SVOPL: variants seen among roughly 807,000 people sequenced by gnomAD.
The protein encoded by SVOPL is putative transporter SVOPL.
In SVOPL, 60 loss-of-function variants were observed where a neutral mutation model predicts 61.0. The observed-to-expected ratio is 0.98, with a 90% CI of 0.80 to 1.22. The LOEUF is 1.22. Ranked by LOEUF, SVOPL falls within the 50% of genes most tolerant of loss-of-function variation. The probability of loss-of-function intolerance (pLI) is 0.00; values close to 1 mark genes in which losing one functional copy is unlikely to be tolerated. For missense variants in SVOPL, 662 were observed against 643.9 expected (o/e 1.03, Z -0.30); for synonymous variants, 279 against 250.0 (o/e 1.12, Z -1.09).
chr7:138,622,589 G>A (rs1193165204), intron 13 of SVOPL, among the ~76,000 whole-genome samples: 3 of 152,308 alleles, frequency 2.0e-5, no homozygotes, highest in South Asian at 4.1e-4. Context: ...TTACAGGCGT[G>A]AGCCACCATG....
intron 14 of SVOPL, among the ~76,000 whole-genome samples, chr7:138,614,554 C>T (rs896015140): frequency 1.3e-5 from 2 of 152,044 alleles, no homozygotes; most frequent in African/African-American, 4.8e-5. Context: ...TGCCACCATA[C>T]CTGGCTAATT....
intron 7 of SVOPL, among the ~76,000 whole-genome samples, chr7:138,655,581 A>G (rs945065545): frequency 2.0e-5 from 3 of 151,468 alleles, no homozygotes; most frequent in Non-Finnish European, 4.4e-5. Flanking sequence ...GCACACACAC[A>G]CACACCCCTA....
rs1348172091 is a variant in SVOPL at position 138,596,438 on chromosome 7, T to G, written c.1446A>C (p.Glu482Asp). 1.2e-6 allele frequency: 2 copies of G among 1,613,796 alleles called. No homozygotes were observed. Among genetic ancestry groups the G allele is most frequent in the Non-Finnish European group, 1.7e-6 (2 of 1,179,872 alleles). The change falls in exon 15 of 16, where the codon GAA becomes GAC. Residue 482 changes from glutamate (E) to aspartate (D), a missense_variant. Glu to Asp is a conservative substitution (Grantham distance 45). Transcript: ENST00000674285. ...TCACCTGGAGGGCCCGTCCTTTGGT[T>G]TCGATGGGGAGAGTGAATGCAGAAA... ...CAISAFTLPI[E>D]TKGRALQQIK
intron 12 of SVOPL, 49 bp downstream of exon 12, chr7:138,627,301 C>T (rs925353093): frequency 7.1e-7 from 1 of 1,417,212 alleles, no homozygotes; most frequent in Non-Finnish European, 9.9e-7. Context: ...TCAGGAGACT[C>T]CATTTAGAAA....
chr7:138,612,243 G>C (rs1334228433), intron 14 of SVOPL, among the ~76,000 whole-genome samples: 1 of 36,652 alleles, frequency 2.7e-5, no homozygotes, highest in Non-Finnish European at 6.1e-5. Flanking sequence ...CAAGTAATCA[G>C]GGACACAAAC....
intron 13 of SVOPL, among the ~76,000 whole-genome samples, chr7:138,622,154 C>G (rs1295788840): frequency 0.017 from 871 of 50,036 alleles, 95 homozygotes; most frequent in Non-Finnish European, 0.02. Context: ...ATCTATGTAT[C>G]TATCTGTCTA....
intron 9 of SVOPL, among the ~76,000 whole-genome samples, chr7:138,631,507 C>T (rs1219533173): frequency 7.2e-5 from 11 of 152,242 alleles, no homozygotes; most frequent in Admixed American, 4.6e-4. Flanking sequence ...CCAAGACCCA[C>T]GGCACATTCC....
intron 14 of SVOPL, among the ~76,000 whole-genome samples, chr7:138,599,686 A>G (rs1563078541): frequency 6.6e-6 from 1 of 152,116 alleles, no homozygotes; most frequent in Admixed American, 6.6e-5. Flanking sequence ...TCAGGAGTTC[A>G]AGACCAGCCT....
At chr7:138,658,056 C>T (rs199863349) in intron 6 of SVOPL, among the ~76,000 whole-genome samples, 43 of 152,270 alleles carry the variant, frequency 2.8e-4, no homozygotes, top group African/African-American at 9.4e-4. Context: ...TCGCTTTGGT[C>T]GCCATCTTGG....
intron 3 of SVOPL, among the ~76,000 whole-genome samples, chr7:138,676,904 T>A (rs991189244): frequency 0.012 from 1,574 of 130,844 alleles, 37 homozygotes; most frequent in African/African-American, 0.045. Flanking sequence ...GGTTCCTTTT[T>A]TTTTTTTTTT....
chr7:138,621,001 C>G, intron 14 of SVOPL, 45 bp downstream of exon 14: 2 of 1,578,220 alleles, frequency 1.3e-6, no homozygotes, highest in Non-Finnish European at 8.7e-7. Flanking sequence ...TCCTCTTACC[C>G]CCTCTCTCAG....
At chr7:138,653,932 C>CAAAA (rs34826230) in intron 7 of SVOPL, among the ~76,000 whole-genome samples, 1 of 132,640 alleles carries the variant, frequency 7.5e-6, no homozygotes, top group Non-Finnish European at 1.6e-5. Flanking sequence ...GACTCTGTCT[C>CAAAA]AAAAAAAAAA....
intron 8 of SVOPL, 39 bp downstream of exon 8, chr7:138,648,973 G>A (rs183474660): frequency 1.2e-6 from 2 of 1,612,438 alleles, no homozygotes; most frequent in South Asian, 2.2e-5. Flanking sequence ...TGGACCAGCA[G>A]GAGGAGGGGA....
At chr7:138,700,572 C>T (rs941397955) in intron 1 of SVOPL, among the ~76,000 whole-genome samples, 1 of 151,904 alleles carries the variant, frequency 6.6e-6, no homozygotes, top group African/African-American at 2.4e-5. Flanking sequence ...AACTCCTGAC[C>T]TTGTGATCCA....
In SVOPL at chr7:138,649,017, A is replaced by G; in HGVS notation, c.655T>C (p.Phe219Leu). Residue 219 changes from phenylalanine to leucine, a missense_variant, in exon 8 of 16, where the codon TTC becomes CTC. By Grantham distance (22) the Phe-to-Leu change is conservative (BLOSUM62 0). Transcript: ENST00000674285. Reference protein sequence around the residue: ...SIPGIILIVAFKFIPESARFN... With the variant: ...SIPGIILIVALKFIPESARFN... ...AGCCACAAGTGCTTCCCCACCTTGA[A>G]GGCCACGATGAGGATGATGCCCGGG... The G allele has an allele frequency of 6.2e-7, 1 of 1,613,842 alleles. No individual in the cohort carries two copies. Among genetic ancestry groups the G allele is most frequent in the African/African-American group, 1.3e-5 (1 of 74,994 alleles).
rs1363103222 is a variant in SVOPL, at chr7:138,627,366, TGAG to T, written c.1162_1164del (p.Leu388del). On this transcript the variant is annotated inframe_deletion, in exon 12 of 16. Transcript: ENST00000674285. ...AGAAAATACCTTGAAGTGCAAATGT[TGAG>T]GAGAAGGAAGAATAAAGCCGTGCAT... is the stretch of plus-strand genomic sequence containing the variant. 2 of 1,613,094 alleles carry T rather than the reference TGAG, an allele frequency of 1.2e-6. No homozygotes were observed. The highest frequency in any genetic ancestry group is 2.2e-5 in the East Asian group (1 of 44,878).
intron 14 of SVOPL, among the ~76,000 whole-genome samples, chr7:138,612,424 T>TAAAAAAAAA (rs1281500368): frequency 9.7e-5 from 4 of 41,200 alleles, no homozygotes; most frequent in Non-Finnish European, 2.1e-4. Flanking sequence ...AAAAAAAAAA[T>TAAAAAAAAA]AAAATAAAAA....
intron 9 of SVOPL, among the ~76,000 whole-genome samples, chr7:138,640,588 T>C (rs1800735902): frequency 6.6e-6 from 1 of 152,120 alleles, no homozygotes; most frequent in Non-Finnish European, 1.5e-5. Flanking sequence ...CAGCCACAAA[T>C]AAGAATGAAA....
chr7:138,676,076 T>TC (rs1315013698), intron 3 of SVOPL, among the ~76,000 whole-genome samples: 2 of 152,194 alleles, frequency 1.3e-5, no homozygotes, highest in Non-Finnish European at 2.9e-5. Flanking sequence ...CCTCAGGTGA[T>TC]CCACCGGCCT....
Sources: gnomAD v4.1 joint callset for allele counts (sites outside exome capture counted in the v4.1 genomes callset) on GRCh38, gnomAD v4.1.1 for gene constraint, MANE v1.5 for transcripts, NCBI Gene and HGNC (gene_info 2026-07-23, HGNC 2026-07-21) for gene names.